The following GABRB3 variants were observed in gnomAD, a reference collection of about 807,000 sequenced individuals.
The protein encoded by GABRB3 is gamma-aminobutyric acid type A receptor subunit beta3, also known as gamma-aminobutyric acid receptor subunit beta-3.
In GABRB3, 14 loss-of-function variants were observed where a neutral mutation model predicts 52.1. The ratio of observed to expected loss-of-function variants is 0.27; its 90% CI spans 0.18 to 0.42. GABRB3 has a LOEUF of 0.42. GABRB3 is among the 10% of genes least tolerant of loss of function. The pLI, the probability that GABRB3 is intolerant of heterozygous loss-of-function variation, is 1.00. For synonymous variants in GABRB3, 260 were observed against 232.3 expected (o/e 1.12, Z -1.08); for missense variants, 307 against 609.1 (o/e 0.50, Z 5.22).
At chr15:26,562,823 A>G (rs1230355362) in intron 7 of GABRB3, among the ~76,000 whole-genome samples, 1 of 124,024 alleles carries the variant, frequency 8.1e-6, no homozygotes, top group Non-Finnish European at 1.7e-5. Flanking sequence ...TAAGAAGAGA[A>G]CTGAAGACTT....
intron 7 of GABRB3, among the ~76,000 whole-genome samples, chr15:26,564,684 G>A (rs911685754): frequency 7.9e-5 from 12 of 152,302 alleles, no homozygotes; most frequent in African/African-American, 2.9e-4. Flanking sequence ...TGCTTGGGAA[G>A]GGGTGGCAGG....
At chr15:26,738,931 GA>G (rs770182087) in intron 3 of GABRB3, among the ~76,000 whole-genome samples, 5 of 152,040 alleles carry the variant, frequency 3.3e-5, no homozygotes, top group African/African-American at 1.2e-4. Flanking sequence ...GAGGTAAACA[GA>G]AAAAAAGGGG....
At chr15:26,737,047 C>T (rs1276056247) in intron 3 of GABRB3, among the ~76,000 whole-genome samples, 1 of 152,224 alleles carries the variant, frequency 6.6e-6, no homozygotes, top group Non-Finnish European at 1.5e-5. Flanking sequence ...CCTCCAGGGA[C>T]ACCACCGCCC....
At chr15:26,633,861 T>A (rs1254093850) in intron 3 of GABRB3, among the ~76,000 whole-genome samples, 4 of 152,246 alleles carry the variant, frequency 2.6e-5, no homozygotes, top group Non-Finnish European at 4.4e-5. Flanking sequence ...AAAGAAAATC[T>A]AGCCCCTTCT....
At chr15:26,686,316 G>A (rs1888404382) in intron 3 of GABRB3, among the ~76,000 whole-genome samples, 1 of 152,156 alleles carries the variant, frequency 6.6e-6, no homozygotes, top group Non-Finnish European at 1.5e-5. Context: ...TTTGAAAAAG[G>A]ACTGGATATA....
chr15:26,731,256 G>A (rs867752743), intron 3 of GABRB3, among the ~76,000 whole-genome samples: 9 of 152,144 alleles, frequency 5.9e-5, no homozygotes, highest in African/African-American at 2.2e-4. Context: ...TAAACATCAT[G>A]AAGAAAACCA....
Position 26,621,170 on chromosome 15 carries a change from T to C in GABRB3, c.461+144A>G, listed in dbSNP as rs1892468156. 3 of 752,758 alleles carry C rather than the reference T, an allele frequency of 4.0e-6. No individual in the cohort carries two copies. The highest frequency in any genetic ancestry group is 4.6e-6 in the Non-Finnish European group (2 of 434,646). The allele number at this position is 752,758 out of a possible 1,614,324, so 46.6% of individuals were successfully genotyped here. On this transcript the variant is annotated intron_variant, in intron 4 of 8. Coordinates refer to ENST00000311550, the MANE Select transcript of GABRB3 (RefSeq NM_000814.6). This position sits in a 1 kb window ranked among gnomAD's most constrained non-coding sequence, Gnocchi z 4.1. ...CCAAATTTTATGGTTATGAGATTTTTTTTTCTGCAAAGCTTTAGTGCTTCA... is the reference window on the plus strand; with the variant it reads ...CCAAATTTTATGGTTATGAGATTTTCTTTTCTGCAAAGCTTTAGTGCTTCA...
intron 3 of GABRB3, among the ~76,000 whole-genome samples, chr15:26,762,608 T>TA (rs61302073): frequency 0.02 from 3,102 of 152,314 alleles, 102 homozygotes; most frequent in African/African-American, 0.072. Flanking sequence ...ATTAATGTAT[T>TA]AAAGAACCTG....
chr15:26,709,548 T>C (rs1240961093), intron 3 of GABRB3, among the ~76,000 whole-genome samples: 3 of 125,332 alleles, frequency 2.4e-5, no homozygotes, highest in Admixed American at 2.0e-4. Flanking sequence ...GAGACAGTCT[T>C]GCTCTGTCGC....
Position 26,561,185 on chromosome 15 carries a change from GA to G in GABRB3, c.836-10del. 1 of 1,613,516 alleles carries G rather than the reference GA, an allele frequency of 6.2e-7. No individual in the cohort carries two copies. Among genetic ancestry groups the G allele is most frequent in the Non-Finnish European group, 8.5e-7 (1 of 1,180,028 alleles). On this transcript the variant is annotated splice_polypyrimidine_tract_variant and intron_variant, in intron 7 of 8. Transcript: ENST00000311550. The stretch of plus-strand genomic sequence containing the variant: ...CAGCACAGTTGTGATCCCTAGAAAA[GA>G]AACAAAGTGGTGAGAGGCTGAAACT...
chr15:26,642,092 C>G (rs948233202), intron 3 of GABRB3, among the ~76,000 whole-genome samples: 2 of 152,106 alleles, frequency 1.3e-5, no homozygotes, highest in Non-Finnish European at 2.9e-5. Context: ...AGGGTCTCAT[C>G]ATGTTGCCCA....
chr15:26,610,203 G>T (rs1262106494), intron 4 of GABRB3, among the ~76,000 whole-genome samples: 1 of 152,000 alleles, frequency 6.6e-6, no homozygotes, highest in East Asian at 1.9e-4. Flanking sequence ...AAGTAATTGT[G>T]GTTTTTGCCA....
At chr15:26,760,154 T>C (rs1024015174) in intron 3 of GABRB3, among the ~76,000 whole-genome samples, 7 of 152,240 alleles carry the variant, frequency 4.6e-5, no homozygotes, top group African/African-American at 1.4e-4. Flanking sequence ...CCAGAGGAGA[T>C]GGGCTCCGTG....
intron 7 of GABRB3, among the ~76,000 whole-genome samples, chr15:26,566,542 A>G (rs1200276136): frequency 1.3e-5 from 2 of 152,188 alleles, no homozygotes; most frequent in East Asian, 3.9e-4. Flanking sequence ...TCTGGGACAC[A>G]TGGCGAAACC....
In GABRB3 at chr15:26,607,589, CAAACAAAACA is replaced by C. The variant is rs71130260; in HGVS notation, c.461+13715_461+13724del. Among the ~76,000 whole-genome samples the C allele has an allele frequency of 6.2e-3, 941 of 150,658 alleles. 10 individuals are homozygous for C. Among genetic ancestry groups the C allele is most frequent in the African/African-American group, 0.022 (898 of 41,042 alleles). ...CCTGTCTAAAAAAAAACTCACCAAACAAACAAAACAAAACAAAACAAAACAGTTAAGTTAC... is the reference window on the plus strand; with the variant it reads ...CCTGTCTAAAAAAAAACTCACCAAACAAACAAAACAAAACAGTTAAGTTAC... On this transcript the variant is annotated intron_variant, in intron 4 of 8. Coordinates refer to ENST00000311550, the MANE Select transcript of GABRB3 (RefSeq NM_000814.6).
chr15:26,692,868 T>C (rs780398406), intron 3 of GABRB3, among the ~76,000 whole-genome samples: 2 of 152,226 alleles, frequency 1.3e-5, no homozygotes, highest in Non-Finnish European at 2.9e-5. Context: ...AGCCTAGTTC[T>C]AATGTTTCCA....
chr15:26,712,178 C>CT (rs3046011), intron 3 of GABRB3, among the ~76,000 whole-genome samples: 39,014 of 146,396 alleles, frequency 0.27, 5,695 homozygotes, highest in East Asian at 0.42. Flanking sequence ...ACTTTTCTTT[C>CT]TTTTTTTTTT....
intron 3 of GABRB3, among the ~76,000 whole-genome samples, chr15:26,630,313 A>G (rs988782324): frequency 1.3e-5 from 2 of 152,152 alleles, no homozygotes; most frequent in Non-Finnish European, 2.9e-5. Context: ...TCCTGTGGAC[A>G]TTGCAGCCCT....
chr15:26,599,538 C>A (rs1424293199), intron 4 of GABRB3, among the ~76,000 whole-genome samples: 2 of 152,220 alleles, frequency 1.3e-5, no homozygotes, highest in Non-Finnish European at 2.9e-5. Context: ...ATAGCAGAGT[C>A]CAGCCAGTAG....
Sources: allele counts gnomAD v4.1 joint callset (sites outside exome capture counted in the v4.1 genomes callset), GRCh38; gene constraint gnomAD v4.1.1; non-coding constraint Gnocchi (gnomAD v3.1); transcripts MANE v1.5; gene names NCBI Gene and HGNC (gene_info 2026-07-23, HGNC 2026-07-21).